C1QTNF7: variants seen among roughly 807,000 people sequenced by gnomAD.
The protein encoded by C1QTNF7 is complement C1q tumor necrosis factor-related protein 7.
A neutral mutation model predicts 19.6 loss-of-function variants in C1QTNF7; 15 were observed. That is an observed-to-expected ratio of 0.76 (90% CI 0.51 to 1.18). The LOEUF (loss-of-function observed/expected upper bound fraction) is 1.18, where lower values mean the gene tolerates loss of function less well. C1QTNF7 is among the 50% of genes most tolerant of loss of function. The pLI, the probability that C1QTNF7 is intolerant of heterozygous loss-of-function variation, is 0.00. For missense variants in C1QTNF7, 324 were observed against 359.7 expected (o/e 0.90, Z 0.80); for synonymous variants, 142 against 137.5 (o/e 1.03, Z -0.23).
chr4:15,381,525 G>A (rs763889662), intron 1 of C1QTNF7, among the ~76,000 whole-genome samples: 54 of 152,110 alleles, frequency 3.6e-4, no homozygotes, highest in Admixed American at 1.0e-3. Flanking sequence ...GGAAAAACAT[G>A]AGTTTGGGTG....
intron 1 of C1QTNF7, among the ~76,000 whole-genome samples, chr4:15,429,494 C>G (rs1336663132): frequency 6.6e-6 from 1 of 152,116 alleles, no homozygotes; most frequent in Non-Finnish European, 1.5e-5. Flanking sequence ...AATATTTGTC[C>G]TTTTGTGACT....
chr4:15,341,861 C>A (rs1716552007), intron 1 of C1QTNF7, among the ~76,000 whole-genome samples: 2 of 152,274 alleles, frequency 1.3e-5, no homozygotes, highest in African/African-American at 2.4e-5. Context: ...GGGACGGGTG[C>A]GGCAGAGAAA....
intron 1 of C1QTNF7, among the ~76,000 whole-genome samples, chr4:15,376,803 T>C (rs377440365): frequency 6.6e-6 from 1 of 152,244 alleles, no homozygotes; most frequent in South Asian, 2.1e-4. Context: ...TAAACATTAT[T>C]GACTGTGATG....
At chr4:15,397,829 G>T (rs1273144116) in intron 1 of C1QTNF7, among the ~76,000 whole-genome samples, 2 of 152,194 alleles carry the variant, frequency 1.3e-5, no homozygotes, top group East Asian at 1.9e-4. Context: ...CACCCAGGGA[G>T]ATTCATTAAC....
At chr4:15,399,912 T>C (rs1316330877) in intron 1 of C1QTNF7, among the ~76,000 whole-genome samples, 1 of 152,358 alleles carries the variant, frequency 6.6e-6, no homozygotes, top group East Asian at 1.9e-4. Flanking sequence ...CCAATATTCC[T>C]GTGGGATTAA....
At chr4:15,398,836 G>A in intron 1 of C1QTNF7, among the ~76,000 whole-genome samples, 1 of 152,206 alleles carries the variant, frequency 6.6e-6, no homozygotes, top group East Asian at 1.9e-4. Context: ...TTGGAAGAAG[G>A]CCAAGCAGGC....
At position 15,444,216 on chromosome 4, in the gene C1QTNF7, A is replaced by T. The variant is rs1712903247; in HGVS notation, c.*1417A>T. 1 of 152,186 alleles carries T rather than the reference A, an allele frequency of 6.6e-6. No homozygotes were observed. The highest frequency in any genetic ancestry group is 2.4e-5 in the African/African-American group (1 of 41,432). 9.4% of individuals were successfully genotyped at this position (152,186 alleles called of 1,614,324 possible). On this transcript the variant is annotated 3_prime_UTR_variant, in exon 3 of 3. Transcript: ENST00000444304. Reference sequence around the variant, plus strand: ...ATAGTTTTCATACCTCTTATGTTTGAATCACCATGCTAGATTCTGTGAAGA... The same window carrying T: ...ATAGTTTTCATACCTCTTATGTTTGTATCACCATGCTAGATTCTGTGAAGA...
intron 1 of C1QTNF7, among the ~76,000 whole-genome samples, chr4:15,385,651 G>T (rs952499807): frequency 2.6e-5 from 4 of 152,164 alleles, no homozygotes; most frequent in South Asian, 4.1e-4. Flanking sequence ...CAACAGAAGA[G>T]TGACTGACAG....
chr4:15,443,910 G>C lies in C1QTNF7; in HGVS notation c.*1111G>C, dbSNP rs1262751318. The C allele has an allele frequency of 6.6e-6, 1 of 152,176 alleles. No individual in the cohort carries two copies. Among genetic ancestry groups the C allele is most frequent in the African/African-American group, 2.4e-5 (1 of 41,430 alleles). The allele number at this position is 152,176 out of a possible 1,614,324, so 9.4% of individuals were successfully genotyped here. ...GCAAGGCATATGTTCACTGATTTACGAGTAAGCTGATGAGAGCAATGAACA... is the reference window on the plus strand; with the variant it reads ...GCAAGGCATATGTTCACTGATTTACCAGTAAGCTGATGAGAGCAATGAACA... On this transcript the variant is annotated 3_prime_UTR_variant, in exon 3 of 3. Transcript: ENST00000444304.
intron 1 of C1QTNF7, among the ~76,000 whole-genome samples, chr4:15,387,287 T>C (rs924258317): frequency 6.6e-6 from 1 of 152,208 alleles, no homozygotes; most frequent in East Asian, 1.9e-4. Context: ...ATGAAGCCAA[T>C]CAGACATGCA....
At chr4:15,371,640 G>C (rs1018357736) in intron 1 of C1QTNF7, among the ~76,000 whole-genome samples, 1 of 152,178 alleles carries the variant, frequency 6.6e-6, no homozygotes, top group Non-Finnish European at 1.5e-5. Flanking sequence ...TTATAAAGGG[G>C]AAGTGTAGGA....
chr4:15,370,885 T>C (rs759205050), intron 1 of C1QTNF7, among the ~76,000 whole-genome samples: 12 of 152,246 alleles, frequency 7.9e-5, no homozygotes, highest in Non-Finnish European at 1.6e-4. Flanking sequence ...AAGATTTATC[T>C]GATACTTTCA....
chr4:15,355,289 G>A (rs1717094361), intron 1 of C1QTNF7, among the ~76,000 whole-genome samples: 2 of 152,114 alleles, frequency 1.3e-5, no homozygotes, highest in South Asian at 4.1e-4. Flanking sequence ...AACTTCATGT[G>A]ACTCACACGA....
chr4:15,386,774 A>G (rs1239562443), intron 1 of C1QTNF7, among the ~76,000 whole-genome samples: 2 of 152,226 alleles, frequency 1.3e-5, no homozygotes, highest in Non-Finnish European at 1.5e-5. Flanking sequence ...CCATGGCAGG[A>G]GCATGCACAG....
chr4:15,419,223 A>C (rs574627127), intron 1 of C1QTNF7, among the ~76,000 whole-genome samples: 12 of 152,226 alleles, frequency 7.9e-5, no homozygotes, highest in Non-Finnish European at 1.5e-4. Flanking sequence ...TTGATCCAAT[A>C]ATTCCATTTC....
At chr4:15,421,124 C>A (rs1423969020) in intron 1 of C1QTNF7, among the ~76,000 whole-genome samples, 7 of 151,706 alleles carry the variant, frequency 4.6e-5, no homozygotes, top group African/African-American at 1.2e-4. Context: ...AACATGGGCC[C>A]CCCATTATCC....
intron 1 of C1QTNF7, chr4:15,362,400 C>T (rs1338035474): frequency 1.3e-5 from 2 of 152,130 alleles, no homozygotes; most frequent in Non-Finnish European, 2.9e-5. Context: ...TGGCCCATCC[C>T]CTACTTTTCC....
At chr4:15,423,994 T>C (rs1180605216), upstream of C1QTNF7, among the ~76,000 whole-genome samples, 1 of 152,210 alleles carries the variant, frequency 6.6e-6, no homozygotes, top group Non-Finnish European at 1.5e-5. Context: ...GTATTAACTG[T>C]CCTTAATATG....
At chr4:15,433,640 T>C (rs2108936740) in intron 1 of C1QTNF7, among the ~76,000 whole-genome samples, 1 of 152,320 alleles carries the variant, frequency 6.6e-6, no homozygotes, top group South Asian at 2.1e-4. Flanking sequence ...GAAATGATTC[T>C]AAATTTCAAC....
Sources: allele counts gnomAD v4.1 joint callset (sites outside exome capture counted in the v4.1 genomes callset), GRCh38; gene constraint gnomAD v4.1.1; transcripts MANE v1.5; gene names NCBI Gene and HGNC (gene_info 2026-07-23, HGNC 2026-07-21).